Variants in GRIA1 observed in about 807,000 individuals in gnomAD.
The protein encoded by GRIA1 is glutamate receptor 1.
A neutral mutation model predicts 99.2 loss-of-function variants in GRIA1; 31 were observed. The ratio of observed to expected loss-of-function variants is 0.31; its 90% CI spans 0.23 to 0.42. The LOEUF is 0.42. Among genes scored for constraint, GRIA1 ranks in the 10% least tolerant of loss-of-function variants. The pLI, the probability that GRIA1 is intolerant of heterozygous loss-of-function variation, is 1.00. For missense variants in GRIA1, 782 were observed against 1,157.5 expected, an observed-to-expected ratio of 0.68 and a Z score of 4.71; for synonymous variants, 438 against 432.4, an observed-to-expected ratio of 1.01 and a Z score of -0.16.
chr5:153,625,239 G>A (rs1014030989), intron 2 of GRIA1, among the ~76,000 whole-genome samples: 5 of 152,170 alleles, frequency 3.3e-5, no homozygotes, highest in Non-Finnish European at 7.3e-5. Flanking sequence ...AGGAATGCTG[G>A]TTGTGAGGAG....
At position 153,811,259 on chromosome 5, in the gene GRIA1, T is replaced by G. The variant is rs763890209; in HGVS notation, c.*34T>G. ...GATGGAGACCCCTTGGGGAGCAGGC[T>G]CGGGCTCCCCAGCCCCATCCCAAAC... On this transcript the variant is annotated 3_prime_UTR_variant, in exon 16 of 16. Transcript: ENST00000285900. 1 of 1,534,892 alleles carries G rather than the reference T, an allele frequency of 6.5e-7. No homozygotes were observed.
At chr5:153,667,739 G>A (rs560136944) in intron 5 of GRIA1, among the ~76,000 whole-genome samples, 14 of 152,248 alleles carry the variant, frequency 9.2e-5, no homozygotes, top group African/African-American at 2.6e-4. Flanking sequence ...CCAATTGCAC[G>A]TGATAATTAA....
intron 2 of GRIA1, among the ~76,000 whole-genome samples, chr5:153,626,127 G>GA (rs1488494705): frequency 6.6e-6 from 1 of 152,190 alleles, no homozygotes; most frequent in Non-Finnish European, 1.5e-5. Flanking sequence ...AAATGCGAAT[G>GA]AAAAATAGTT....
rs111438446 is a variant in GRIA1 at position 153,605,917 on chromosome 5, A to G, written c.221-41011A>G. Among the ~76,000 whole-genome samples, 540 of 152,198 alleles carry G rather than the reference A, an allele frequency of 3.5e-3. 7 individuals carry two copies. The highest frequency in any genetic ancestry group is 0.012 in the African/African-American group (490 of 41,538). Reference sequence around the variant, plus strand: ...CTTGCATTTTCACTCTCTTAATGGTATCTCTTGCTGTGCAGGACAGAAACT... The same window carrying G: ...CTTGCATTTTCACTCTCTTAATGGTGTCTCTTGCTGTGCAGGACAGAAACT... On this transcript the variant is annotated intron_variant, in intron 2 of 15. Transcript: ENST00000285900.
chr5:153,504,675 T>C (rs1225986519), intron 2 of GRIA1, among the ~76,000 whole-genome samples: 1 of 152,168 alleles, frequency 6.6e-6, no homozygotes, highest in Non-Finnish European at 1.5e-5. Flanking sequence ...TGTAGGGGTC[T>C]TTGGTAATCC....
At chr5:153,541,894 C>A (rs1314053021) in intron 2 of GRIA1, among the ~76,000 whole-genome samples, 1 of 137,406 alleles carries the variant, frequency 7.3e-6, no homozygotes, top group Non-Finnish European at 1.5e-5. Context: ...CACGCCACTG[C>A]ACACCAGCCG....
intron 11 of GRIA1, among the ~76,000 whole-genome samples, chr5:153,718,421 A>C (rs1759814116): frequency 6.6e-6 from 1 of 152,102 alleles, no homozygotes; most frequent in Non-Finnish European, 1.5e-5. Flanking sequence ...GGGGCGAGTC[A>C]AGCAAAGAAG....
intron 2 of GRIA1, among the ~76,000 whole-genome samples, chr5:153,620,212 C>T (rs78983975): frequency 3.3e-5 from 5 of 151,778 alleles, no homozygotes; most frequent in African/African-American, 4.8e-5. Flanking sequence ...TTGTACATGC[C>T]GAAATGAGCA....
Position 153,606,508 on chromosome 5 carries a change from T to TTG in GRIA1, c.221-40419_221-40418dup, listed in dbSNP as rs529797057. On this transcript the variant is annotated intron_variant, in intron 2 of 15. Coordinates refer to ENST00000285900, the MANE Select transcript of GRIA1 (RefSeq NM_000827.4). ...TGGGAGAGTTGATATCTTTACAATA[T>TTG]TGAGTCTTCAAATCCCAGAGCATAG... Among the ~76,000 whole-genome samples, 509 of 152,242 alleles carry TTG rather than the reference T, an allele frequency of 3.3e-3. 6 individuals carry two copies. Among genetic ancestry groups the TTG allele is most frequent in the African/African-American group, 0.012 (484 of 41,584 alleles).
rs7702986 is a variant in GRIA1 at position 153,737,247 on chromosome 5, T to A, written c.1824-27187T>A. Among the ~76,000 whole-genome samples the A allele has an allele frequency of 9.5e-3, 1,337 of 140,840 alleles. 14 individuals are homozygous for A. Among genetic ancestry groups the A allele is most frequent in the African/African-American group, 0.034 (1,257 of 37,006 alleles). The allele number at this position is 140,840 out of a possible 152,430, so 92.4% of individuals were successfully genotyped here. ...CATAACAACCTTTTGAGTTAACAAT[T>A]AAGGATACTCCATTTTTCTGGGGAC... is the stretch of plus-strand genomic sequence containing the variant. On this transcript the variant is annotated intron_variant, in intron 11 of 15. Transcript: ENST00000285900.
At chr5:153,781,527 A>T (rs1764628330) in intron 13 of GRIA1, among the ~76,000 whole-genome samples, 1 of 152,156 alleles carries the variant, frequency 6.6e-6, no homozygotes, top group Non-Finnish European at 1.5e-5. Flanking sequence ...CAGAGAATTT[A>T]GCATGCAGGA....
intron 10 of GRIA1, among the ~76,000 whole-genome samples, chr5:153,700,615 G>A (rs907045141): frequency 6.6e-6 from 1 of 152,112 alleles, no homozygotes; most frequent in Non-Finnish European, 1.5e-5. Context: ...AGGTATTTGA[G>A]TAGAAAGACA....
chr5:153,741,209 A>C (rs946892432), intron 11 of GRIA1, among the ~76,000 whole-genome samples: 2 of 151,616 alleles, frequency 1.3e-5, no homozygotes, highest in Admixed American at 6.6e-5. Flanking sequence ...CTCCTGACCT[A>C]GTGATCCGCC....
intron 11 of GRIA1, among the ~76,000 whole-genome samples, chr5:153,734,324 A>G (rs1761240420): frequency 6.6e-6 from 1 of 152,086 alleles, no homozygotes; most frequent in African/African-American, 2.4e-5. Context: ...CCCCCCTAAG[A>G]GCAGAGATTG....
At chr5:153,647,247 G>T in intron 3 of GRIA1, 80 bp downstream of exon 3, 6 of 1,477,348 alleles carry the variant, frequency 4.1e-6, no homozygotes, top group Non-Finnish European at 4.6e-6. Context: ...ATGCCTCACT[G>T]CTTCCCTGAA....
intron 2 of GRIA1, among the ~76,000 whole-genome samples, chr5:153,561,615 G>A (rs1028686165): frequency 1.3e-5 from 2 of 150,160 alleles, no homozygotes; most frequent in African/African-American, 2.4e-5. Flanking sequence ...AGAAATGGGG[G>A]AAAAAAAGCT....
At chr5:153,710,500 G>A (rs1364955410) in intron 11 of GRIA1, among the ~76,000 whole-genome samples, 2 of 152,182 alleles carry the variant, frequency 1.3e-5, no homozygotes, top group Non-Finnish European at 2.9e-5. Flanking sequence ...TGGGATTGCA[G>A]ACATGAGCCA....
At chr5:153,567,714 G>A (rs1341201295) in intron 2 of GRIA1, among the ~76,000 whole-genome samples, 1 of 152,210 alleles carries the variant, frequency 6.6e-6, no homozygotes, top group East Asian at 1.9e-4. Context: ...AAGCAGTGGA[G>A]CAAAAGCATT....
chr5:153,553,527 A>C (rs1760342599), intron 2 of GRIA1, among the ~76,000 whole-genome samples: 1 of 152,126 alleles, frequency 6.6e-6, no homozygotes. Context: ...GTCTTACATT[A>C]CTTCTCCACT....
Sources: allele counts gnomAD v4.1 joint callset (sites outside exome capture counted in the v4.1 genomes callset), GRCh38; gene constraint gnomAD v4.1.1; transcripts MANE v1.5; gene names NCBI Gene and HGNC (gene_info 2026-07-23, HGNC 2026-07-21).